EPB41L5: variants seen among roughly 807,000 people sequenced by gnomAD.
EPB41L5 encodes band 4.1-like protein 5.
In EPB41L5, 55 loss-of-function variants were observed where a neutral mutation model predicts 106.6. The ratio of observed to expected loss-of-function variants is 0.52; its 90% CI spans 0.42 to 0.65. The LOEUF is 0.65. Among genes scored for constraint, EPB41L5 ranks in the 30% least tolerant of loss-of-function variants. EPB41L5 has a pLI of 0.00. For synonymous variants in EPB41L5, 297 were observed against 306.7 expected (o/e 0.97, Z 0.33); for missense variants, 871 against 882.1 (o/e 0.99, Z 0.16).
intron 1 of EPB41L5, 121 bp from the exon 2 acceptor site, chr2:120,018,956 T>G: frequency 1.1e-6 from 1 of 883,350 alleles, no homozygotes; most frequent in East Asian, 2.5e-5. Context: ...CAGGTGTCCT[T>G]TTTAGTAGCA....
intron 3 of EPB41L5, among the ~76,000 whole-genome samples, chr2:120,069,402 G>A (rs1184438681): frequency 2.0e-5 from 3 of 152,030 alleles, no homozygotes; most frequent in African/African-American, 7.3e-5. Context: ...GTCAATATTA[G>A]AAAGATCAAT....
At chr2:120,074,322 G>A (rs1433449404) in intron 5 of EPB41L5, 144 bp downstream of exon 5, 2 of 596,574 alleles carry the variant, frequency 3.4e-6, no homozygotes, top group Non-Finnish European at 5.8e-6. Context: ...ATTTTATTCT[G>A]GGACGTGTTT....
chr2:120,071,337 A>G (rs1197910848), intron 3 of EPB41L5, among the ~76,000 whole-genome samples: 1 of 152,212 alleles, frequency 6.6e-6, no homozygotes, highest in Non-Finnish European at 1.5e-5. Flanking sequence ...GAGAGGACAC[A>G]AACAAATGGA....
At chr2:120,155,512 G>A (rs529066459) in intron 20 of EPB41L5, among the ~76,000 whole-genome samples, 12 of 152,048 alleles carry the variant, frequency 7.9e-5, no homozygotes, top group Non-Finnish European at 1.8e-4. Context: ...AGTTCATTGA[G>A]CTTCTTAGAT....
At chr2:120,127,137 T>C (rs1373707211) in intron 16 of EPB41L5, among the ~76,000 whole-genome samples, 1 of 152,168 alleles carries the variant, frequency 6.6e-6, no homozygotes, top group Non-Finnish European at 1.5e-5. Context: ...TTTATTTAGG[T>C]TATTTATTTA....
chr2:120,130,577 A>G (rs1427350304), intron 17 of EPB41L5, among the ~76,000 whole-genome samples: 1 of 152,256 alleles, frequency 6.6e-6, no homozygotes, highest in Non-Finnish European at 1.5e-5. Context: ...GGAGATGGCA[A>G]TTAAGTAAAT....
chr2:120,148,327 C>T (rs1367349506), intron 20 of EPB41L5, among the ~76,000 whole-genome samples: 1 of 152,074 alleles, frequency 6.6e-6, no homozygotes, highest in Non-Finnish European at 1.5e-5. Flanking sequence ...ACTCCTTACC[C>T]TTTCCAGACC....
At chr2:120,146,094 A>G (rs1209911107) in intron 19 of EPB41L5, 131 bp from the exon 20 acceptor site, 5 of 604,858 alleles carry the variant, frequency 8.3e-6, no homozygotes, top group Admixed American at 2.8e-5. Context: ...TTCCATAGAT[A>G]AGGTATGATT....
intron 2 of EPB41L5, among the ~76,000 whole-genome samples, chr2:120,037,715 A>C (rs1368180040): frequency 2.6e-5 from 4 of 152,212 alleles, no homozygotes; most frequent in African/African-American, 7.2e-5. Context: ...AATGGAATAG[A>C]ATAGAGAGAC....
At chr2:120,035,392 C>T (rs1279806622) in intron 2 of EPB41L5, among the ~76,000 whole-genome samples, 1 of 152,166 alleles carries the variant, frequency 6.6e-6, no homozygotes, top group East Asian at 1.9e-4. Flanking sequence ...AGCCACCATG[C>T]CTGGCTGTTT....
chr2:120,053,928 G>A (rs1282095897), intron 3 of EPB41L5, among the ~76,000 whole-genome samples: 1 of 152,104 alleles, frequency 6.6e-6, no homozygotes, highest in East Asian at 1.9e-4. Flanking sequence ...AGGTGCGGTG[G>A]TGTGTGCCTG....
At chr2:120,144,348 C>T (rs1686309255) in intron 19 of EPB41L5, among the ~76,000 whole-genome samples, 1 of 152,134 alleles carries the variant, frequency 6.6e-6, no homozygotes, top group African/African-American at 2.4e-5. Context: ...TGTTTCTCAG[C>T]CCCCAGAACT....
Position 120,090,530 on chromosome 2 carries a change from G to C in EPB41L5, c.1043+14G>C, listed in dbSNP as rs746746214. On this transcript the variant is annotated intron_variant, in intron 12 of 24. Transcript: ENST00000263713. ...ATTTAGATATAGGTTAATTTTAATT[G>C]CTGTTTTATCTGTCTTTCATTGCAT... 1.2e-6 allele frequency: 2 copies of C among 1,603,926 alleles called. No homozygotes were observed. The highest frequency in any genetic ancestry group is 2.2e-5 in the South Asian group (2 of 89,000).
At position 120,014,942 on chromosome 2, in the gene EPB41L5, G is replaced by T. The variant is rs1419167620; in HGVS notation, c.-9+1732G>T. Among the ~76,000 whole-genome samples the T allele has an allele frequency of 2.0e-5, 3 of 147,634 alleles. No homozygotes were observed. The Admixed American group carries it at 2.1e-4, about 10-fold the overall frequency. ...AGAGTGCAGGTGGGAGGGGAAAAGT[G>T]AGTATGAGAAAACTTTTTTCACAAT... On this transcript the variant is annotated intron_variant, in intron 1 of 24. Transcript: ENST00000263713.
At chr2:120,025,344 T>G (rs1452595321) in intron 2 of EPB41L5, among the ~76,000 whole-genome samples, 1 of 152,164 alleles carries the variant, frequency 6.6e-6, no homozygotes, top group African/African-American at 2.4e-5. Context: ...GGTGATATCC[T>G]CTTTATTATT....
intron 2 of EPB41L5, among the ~76,000 whole-genome samples, chr2:120,025,862 C>T (rs1462683614): frequency 6.6e-6 from 1 of 152,124 alleles, no homozygotes; most frequent in Non-Finnish European, 1.5e-5. Flanking sequence ...ACTAAGAGGA[C>T]ACACACTTCC....
intron 21 of EPB41L5, among the ~76,000 whole-genome samples, chr2:120,162,933 C>A (rs1687197162): frequency 6.6e-6 from 1 of 151,980 alleles, no homozygotes; most frequent in African/African-American, 2.4e-5. Flanking sequence ...TTCTCCAAGA[C>A]CTGAAGGCAT....
In EPB41L5 at chr2:120,057,999, A is replaced by G. The variant is rs544483822; in HGVS notation, c.286-15179A>G. Among the ~76,000 whole-genome samples, 26 of 152,216 alleles carry G rather than the reference A, an allele frequency of 1.7e-4. No homozygotes were observed. In the South Asian group the frequency reaches 2.1e-3, roughly 12 times the overall value. On this transcript the variant is annotated intron_variant, in intron 3 of 24. Transcript: ENST00000263713. The stretch of plus-strand genomic sequence containing the variant: ...ACATTTGATACATTTTGAAGGAACA[A>G]TTTTCAGTCTTAAAATCACATGTTT...
intron 14 of EPB41L5, among the ~76,000 whole-genome samples, chr2:120,098,238 C>T (rs1683899063): frequency 6.8e-6 from 1 of 146,168 alleles, no homozygotes; most frequent in African/African-American, 2.5e-5. Flanking sequence ...GAGACAGGGT[C>T]TTGCCCTGTC....
Sources: gnomAD v4.1 joint callset for allele counts (sites outside exome capture counted in the v4.1 genomes callset) on GRCh38, gnomAD v4.1.1 for gene constraint, MANE v1.5 for transcripts, NCBI Gene and HGNC (gene_info 2026-07-23, HGNC 2026-07-21) for gene names.